ZC3H12B: variants seen among roughly 807,000 people sequenced by gnomAD.
The protein encoded by ZC3H12B is probable ribonuclease ZC3H12B.
ZC3H12B carries 7 observed loss-of-function variants against 43.9 expected under a neutral mutation model. The observed-to-expected ratio is 0.16, with a 90% CI of 0.09 to 0.30. The LOEUF (loss-of-function observed/expected upper bound fraction) is 0.30. Ranked by LOEUF, ZC3H12B falls within the 10% of genes least tolerant of loss-of-function variation. The pLI is 1.00. For missense variants in ZC3H12B, 475 were observed against 670.2 expected, an observed-to-expected ratio of 0.71 and a Z score of 3.22; for synonymous variants, 222 against 241.7, an observed-to-expected ratio of 0.92 and a Z score of 0.76.
the ZC3H12B span, among the ~76,000 whole-genome samples, chrX:65,130,169 T>C: frequency 9.0e-6 from 1 of 111,046 alleles, no homozygotes; most frequent in African/African-American, 3.3e-5. Context: ...TGAGGTCTGG[T>C]TTTAAAAGAC....
In ZC3H12B at chrX:65,497,480, A is replaced by C. The variant is rs898635778; in HGVS notation, c.748+209A>C. Reference sequence around the variant, plus strand: ...TAAATAAAGAAAACTTCAATTCGGCAAAAGATAAAGCACATAGTTTCAAAA... The same window carrying C: ...TAAATAAAGAAAACTTCAATTCGGCCAAAGATAAAGCACATAGTTTCAAAA... On this transcript the variant is annotated intron_variant, in intron 2 of 4. Coordinates refer to ENST00000338957, the Ensembl canonical transcript of ZC3H12B. 1.2e-3 allele frequency among the ~76,000 whole-genome samples: 141 copies of C among 112,985 alleles called. 1 individual carries two copies. The highest frequency in any genetic ancestry group is 4.3e-3 in the African/African-American group (135 of 31,165).
At chrX:65,434,142 T>A (rs1188072641) in intron 3 of ZC3H12B, among the ~76,000 whole-genome samples, 1 of 111,718 alleles carries the variant, frequency 9.0e-6, no homozygotes, top group Non-Finnish European at 1.9e-5. Context: ...ATCCTATTAC[T>A]CCCATTACAT....
At chrX:65,378,312 C>T (rs371952469) in intron 2 of ZC3H12B, among the ~76,000 whole-genome samples, 25 of 111,076 alleles carry the variant, frequency 2.3e-4, no homozygotes, top group South Asian at 3.8e-4. Context: ...ATTAAAAAGA[C>T]GAGATTAATT....
chrX:65,100,050 A>T, the ZC3H12B span, among the ~76,000 whole-genome samples: 1 of 112,078 alleles, frequency 8.9e-6, no homozygotes, highest in South Asian at 3.7e-4. Context: ...TGAACTGATG[A>T]TGGAGCTGAA....
chrX:65,243,063 G>C, the ZC3H12B span, among the ~76,000 whole-genome samples: 1 of 111,833 alleles, frequency 8.9e-6, no homozygotes. Context: ...ATGTCAGTCT[G>C]GGCAAAGATG....
At chrX:65,211,571 G>A in the ZC3H12B span, among the ~76,000 whole-genome samples, 2 of 100,500 alleles carry the variant, frequency 2.0e-5, no homozygotes, top group African/African-American at 3.6e-5. Context: ...CTTGCTCAAA[G>A]TCATACATCT....
At chrX:65,184,043 G>C in the ZC3H12B span, among the ~76,000 whole-genome samples, 1 of 110,983 alleles carries the variant, frequency 9.0e-6, no homozygotes, top group Non-Finnish European at 1.9e-5. Context: ...GGTTGAACTT[G>C]TTCAGTTTTG....
the ZC3H12B span, among the ~76,000 whole-genome samples, chrX:65,225,091 C>T: frequency 1.8e-5 from 2 of 112,168 alleles, no homozygotes; most frequent in Non-Finnish European, 3.8e-5. Context: ...TCCCTGACCC[C>T]TGACCCCCGA....
At chrX:65,376,620 G>A (rs767451336) in intron 2 of ZC3H12B, among the ~76,000 whole-genome samples, 2 of 111,791 alleles carry the variant, frequency 1.8e-5, no homozygotes, top group Non-Finnish European at 3.8e-5. Flanking sequence ...GAAAACAAGC[G>A]TTTCTGCCTT....
chrX:65,475,980 A>G (rs1437410426), intron 3 of ZC3H12B, among the ~76,000 whole-genome samples: 1 of 112,343 alleles, frequency 8.9e-6, no homozygotes, highest in East Asian at 2.8e-4. Flanking sequence ...CTGTAGAGGA[A>G]TCCACTGATA....
intron 3 of ZC3H12B, among the ~76,000 whole-genome samples, chrX:65,454,057 C>T (rs1426817061): frequency 8.9e-6 from 1 of 112,100 alleles, no homozygotes; most frequent in East Asian, 2.8e-4. Flanking sequence ...CAGCACCCAG[C>T]GTGAGTGACG....
chrX:65,172,352 G>T, the ZC3H12B span, among the ~76,000 whole-genome samples: 2 of 110,952 alleles, frequency 1.8e-5, no homozygotes, highest in Non-Finnish European at 3.8e-5. Context: ...TTTCTGGTGG[G>T]TAAAAAATTT....
chrX:65,367,026 C>T (rs1226538107), intron 1 of ZC3H12B, among the ~76,000 whole-genome samples: 2 of 111,779 alleles, frequency 1.8e-5, no homozygotes, highest in African/African-American at 6.5e-5. Flanking sequence ...AGCACAGGGC[C>T]TTAGAGATGA....
the ZC3H12B span, among the ~76,000 whole-genome samples, chrX:65,287,686 GAAAT>G: frequency 9.0e-6 from 1 of 110,914 alleles, no homozygotes; most frequent in Non-Finnish European, 1.9e-5. Flanking sequence ...AAAGTTAATA[GAAAT>G]AAATGCCTAC....
chrX:65,211,892 T>C, the ZC3H12B span, among the ~76,000 whole-genome samples: 1 of 76,202 alleles, frequency 1.3e-5, no homozygotes, highest in Non-Finnish European at 2.2e-5. Context: ...TTATGTATAC[T>C]ATATAATATA....
At chrX:65,176,602 C>T in the ZC3H12B span, among the ~76,000 whole-genome samples, 10 of 111,540 alleles carry the variant, frequency 9.0e-5, no homozygotes, top group South Asian at 3.8e-4. Context: ...GGGATAACAC[C>T]GCTGATCCCA....
chrX:65,374,967 A>G (rs768226041), intron 2 of ZC3H12B, among the ~76,000 whole-genome samples: 1 of 111,595 alleles, frequency 9.0e-6, no homozygotes, highest in Admixed American at 9.5e-5. Context: ...GAGTATGGGA[A>G]CTACAATTCA....
At chrX:65,238,393 G>A in the ZC3H12B span, among the ~76,000 whole-genome samples, 7 of 112,012 alleles carry the variant, frequency 6.2e-5, no homozygotes, top group Middle Eastern at 4.6e-3. Flanking sequence ...AGAGGTGTTC[G>A]TGGTATTCTC....
chrX:65,287,842 G>A, the ZC3H12B span, among the ~76,000 whole-genome samples: 2 of 109,955 alleles, frequency 1.8e-5, no homozygotes, highest in Non-Finnish European at 1.9e-5. Context: ...ATACAAAGTA[G>A]CAATGAAGCA....
Sources: gnomAD v4.1 joint callset for allele counts (sites outside exome capture counted in the v4.1 genomes callset) on GRCh38, gnomAD v4.1.1 for gene constraint, MANE v1.5 for transcripts, NCBI Gene and HGNC (gene_info 2026-07-23, HGNC 2026-07-21) for gene names.